ELAVL1: variants seen among roughly 807,000 people sequenced by gnomAD.
The protein encoded by ELAVL1 is ELAV like RNA binding protein 1, also known as ELAV-like protein 1.
In ELAVL1, 1 loss-of-function variant was observed where a neutral mutation model predicts 28.4. The ratio of observed to expected loss-of-function variants is 0.04; its 90% CI spans 0.01 to 0.17. The LOEUF is 0.17. ELAVL1 is among the 10% of genes least tolerant of loss of function. ELAVL1 has a pLI of 1.00. For synonymous variants in ELAVL1, 174 were observed against 183.5 expected (o/e 0.95, Z 0.42); for missense variants, 157 against 447.2 (o/e 0.35, Z 5.85).
chr19:7,986,521 C>G (rs1029767564), intron 2 of ELAVL1, among the ~76,000 whole-genome samples: 1 of 152,200 alleles, frequency 6.6e-6, no homozygotes, highest in African/African-American at 2.4e-5. Context: ...CCAAGGCTAG[C>G]GGATAGCAGG....
At chr19:7,975,513 T>C (rs1042345694) in intron 3 of ELAVL1, among the ~76,000 whole-genome samples, 1 of 152,214 alleles carries the variant, frequency 6.6e-6, no homozygotes, top group Non-Finnish European at 1.5e-5. Flanking sequence ...AGGCGTGCAC[T>C]GACCTGGGGC....
intron 5 of ELAVL1, 126 bp downstream of exon 5, chr19:7,967,439 T>C (rs1434417302): frequency 9.3e-7 from 1 of 1,073,906 alleles, no homozygotes; most frequent in East Asian, 2.6e-5. Flanking sequence ...AGCTGCAGAA[T>C]GATTCTGAAA....
At chr19:7,984,968 C>G (rs10416815) in intron 2 of ELAVL1, among the ~76,000 whole-genome samples, 3,548 of 152,312 alleles carry the variant, frequency 0.023, 139 homozygotes, top group African/African-American at 0.078. Flanking sequence ...AAGTCAGGGT[C>G]TCAGTCTGTT....
At chr19:7,991,869 C>T (rs1985760139) in intron 1 of ELAVL1, 38 bp from the exon 2 acceptor site, 1 of 1,533,518 alleles carries the variant, frequency 6.5e-7, no homozygotes, top group Admixed American at 2.0e-5. Flanking sequence ...TCAAAATGTT[C>T]ATATTGCAGT....
chr19:7,966,782 G>C (rs1288973715), intron 5 of ELAVL1, among the ~76,000 whole-genome samples: 1 of 151,972 alleles, frequency 6.6e-6, no homozygotes, highest in East Asian at 1.9e-4. Flanking sequence ...ACCATGCCCA[G>C]TTTTTTTCAT....
intron 4 of ELAVL1, among the ~76,000 whole-genome samples, chr19:7,970,466 C>T (rs931150527): frequency 6.6e-6 from 1 of 150,502 alleles, no homozygotes; most frequent in Non-Finnish European, 1.5e-5. Flanking sequence ...ATTTTTAGTA[C>T]AGATGGGGTT....
At chr19:7,967,506 C>T in intron 5 of ELAVL1, 59 bp downstream of exon 5, 1 of 1,561,434 alleles carries the variant, frequency 6.4e-7, no homozygotes, top group African/African-American at 1.4e-5. Flanking sequence ...TGTGGCTGTG[C>T]CGTCGCCTGC....
chr19:7,967,298 G>A (rs1984981806), intron 5 of ELAVL1, among the ~76,000 whole-genome samples: 1 of 152,154 alleles, frequency 6.6e-6, no homozygotes, highest in Non-Finnish European at 1.5e-5. Flanking sequence ...GCCACCCAAG[G>A]TGCTAGGATT....
At chr19:7,977,046 T>C (rs1952484104) in intron 3 of ELAVL1, among the ~76,000 whole-genome samples, 1 of 152,152 alleles carries the variant, frequency 6.6e-6, no homozygotes, top group South Asian at 2.1e-4. Flanking sequence ...GCCAGACTTG[T>C]GTGTCTCCTG....
chr19:7,959,891 G>A lies in ELAVL1; in HGVS notation c.*3592C>T, dbSNP rs1053142581. 1 of 151,936 alleles carries A rather than the reference G, an allele frequency of 6.6e-6. No individual in the cohort carries two copies. Among genetic ancestry groups the A allele is most frequent in the African/African-American group, 2.4e-5 (1 of 41,328 alleles). The allele number at this position is 151,936 out of a possible 1,614,324, so 9.4% of individuals were successfully genotyped here. On this transcript the variant is annotated 3_prime_UTR_variant, in exon 6 of 6. Transcript: ENST00000407627. ...CTGGGGAAGATGGGAGGGGATTGAG[G>A]TGGAGGGTGGGGTGGAGGGACAGGA...
intron 1 of ELAVL1, chr19:8,002,239 G>C (rs1325734905): frequency 2.9e-5 from 21 of 727,864 alleles, no homozygotes; most frequent in East Asian, 2.0e-4. Context: ...TATTGTCTTT[G>C]CCTGGTTAGC....
At position 7,958,687 on chromosome 19, in the gene ELAVL1, T is replaced by C. The variant is rs117179851; in HGVS notation, c.*4796A>G. 2.6e-5 allele frequency: 4 copies of C among 152,444 alleles called. No homozygotes were observed. The highest frequency in any genetic ancestry group is 7.2e-5 in the African/African-American group (3 of 41,558). 9.4% of individuals were successfully genotyped at this position (152,444 alleles called of 1,614,324 possible). A position where few individuals can be genotyped will look rare whatever the true frequency, so the allele number is the denominator to read the frequency against. On this transcript the variant is annotated 3_prime_UTR_variant, in exon 6 of 6. Transcript: ENST00000407627. ...TAGAAAGAACTGAGTATCGGGACAA[T>C]TGAGTCGTTGGAACTGTAAGCCACG...
chr19:7,999,626 A>G (rs916194662), intron 1 of ELAVL1, among the ~76,000 whole-genome samples: 5 of 152,278 alleles, frequency 3.3e-5, no homozygotes, highest in Admixed American at 6.5e-5. Flanking sequence ...CTCTCAGACC[A>G]GGCTGGAGTG....
intron 4 of ELAVL1, among the ~76,000 whole-genome samples, chr19:7,968,850 G>A (rs774020644): frequency 6.6e-6 from 1 of 152,180 alleles, no homozygotes; most frequent in Non-Finnish European, 1.5e-5. Flanking sequence ...CCTGGGAAGC[G>A]GGCTGGAAAC....
intron 2 of ELAVL1, among the ~76,000 whole-genome samples, chr19:7,985,613 G>C (rs1985578846): frequency 6.6e-6 from 1 of 152,214 alleles, no homozygotes; most frequent in Non-Finnish European, 1.5e-5. Flanking sequence ...AAGCTCAGAG[G>C]GGCCTGGCTC....
chr19:7,976,148 A>G (rs1985278880), intron 3 of ELAVL1, among the ~76,000 whole-genome samples: 1 of 151,634 alleles, frequency 6.6e-6, no homozygotes, highest in Non-Finnish European at 1.5e-5. Context: ...CATGCCTATA[A>G]TCCCAGCACT....
chr19:7,995,278 G>A (rs1424544059), intron 1 of ELAVL1, among the ~76,000 whole-genome samples: 1 of 152,212 alleles, frequency 6.6e-6, no homozygotes, highest in African/African-American at 2.4e-5. Flanking sequence ...TGTAATTCAA[G>A]CATTTCCCTT....
At chr19:7,972,033 T>C (rs1985128154) in intron 4 of ELAVL1, among the ~76,000 whole-genome samples, 1 of 152,246 alleles carries the variant, frequency 6.6e-6, no homozygotes, top group Non-Finnish European at 1.5e-5. Context: ...CATGACTTTC[T>C]GTGGCCCAAC....
In ELAVL1 at chr19:7,973,749, G is replaced by T. The variant is rs765363563; in HGVS notation, c.406C>A (p.Arg136=). The change falls in exon 4 of 6, where the codon CGG becomes AGG. Residue 136 remains arginine, a synonymous_variant. Transcript: ENST00000407627. ...FSRFGRIINS[R]VLVDQTTGLS... is the part of the protein sequence containing the mutation. ...CCTGTAGTCTGATCCACGAGGACCC[G>T]CGAGTTGATGATCCGCCCAAACCGA... 1.9e-6 allele frequency: 3 copies of T among 1,613,942 alleles called. No homozygotes were observed. Among genetic ancestry groups the T allele is most frequent in the Admixed American group, 1.7e-5 (1 of 59,992 alleles).
Sources: gnomAD v4.1 joint callset for allele counts (sites outside exome capture counted in the v4.1 genomes callset) on GRCh38, gnomAD v4.1.1 for gene constraint, MANE v1.5 for transcripts, NCBI Gene and HGNC (gene_info 2026-07-23, HGNC 2026-07-21) for gene names.